The following XPO7 variants were observed in gnomAD, a reference collection of about 807,000 sequenced individuals.
XPO7 encodes the protein exportin-7.
XPO7 carries 21 observed loss-of-function variants against 144.3 expected under a neutral mutation model. The ratio of observed to expected loss-of-function variants is 0.15; its 90% CI spans 0.10 to 0.21. The LOEUF is 0.21. XPO7 is among the 10% of genes least tolerant of loss of function. XPO7 has a pLI of 1.00. For missense variants in XPO7, 808 were observed against 1,325.8 expected, an observed-to-expected ratio of 0.61 and a Z score of 6.06; for synonymous variants, 580 against 499.6, an observed-to-expected ratio of 1.16 and a Z score of -2.15.
At chr8:21,979,985 A>G (rs1219918518) in intron 8 of XPO7, 99 bp from the exon 9 acceptor site, 1 of 1,305,372 alleles carries the variant, frequency 7.7e-7, no homozygotes, top group Non-Finnish European at 1.0e-6. Context: ...GTTGCTTCAG[A>G]TATCCTAAAG....
At chr8:21,981,646 C>A in intron 9 of XPO7, 85 bp from the exon 10 acceptor site, 1 of 1,521,168 alleles carries the variant, frequency 6.6e-7, no homozygotes, top group Non-Finnish European at 9.0e-7. Flanking sequence ...TCTACCCCTT[C>A]CCCCATGCCA....
chr8:21,974,288 C>G (rs956982095), intron 5 of XPO7, among the ~76,000 whole-genome samples: 2 of 152,014 alleles, frequency 1.3e-5, no homozygotes, highest in African/African-American at 4.8e-5. Context: ...CTCAACCTCC[C>G]AAAGTTCTAG....
At chr8:21,978,877 T>C (rs1483100987) in intron 8 of XPO7, among the ~76,000 whole-genome samples, 1 of 152,174 alleles carries the variant, frequency 6.6e-6, no homozygotes, top group East Asian at 1.9e-4. Context: ...TACTTTCCAT[T>C]GGTTGAAGCC....
chr8:21,925,308 GAC>G (rs1430149046), intron 1 of XPO7, among the ~76,000 whole-genome samples: 3 of 152,180 alleles, frequency 2.0e-5, no homozygotes, highest in East Asian at 1.9e-4. Context: ...TGCACACAAG[GAC>G]ACACACACAC....
At chr8:21,955,724 CTT>C (rs71544845) in intron 1 of XPO7, among the ~76,000 whole-genome samples, 1 of 102,754 alleles carries the variant, frequency 9.7e-6, no homozygotes, top group East Asian at 2.7e-4. Flanking sequence ...CTGTGCTTAC[CTT>C]TTTTTTTTTT....
intron 25 of XPO7, chr8:22,003,009 AT>A: frequency 2.5e-6 from 1 of 397,544 alleles, no homozygotes; most frequent in Non-Finnish European, 4.5e-6. Context: ...GTTCAAACCA[AT>A]TTTAAGAACA....
chr8:21,987,535 G>A (rs775864957), intron 14 of XPO7, among the ~76,000 whole-genome samples: 4 of 152,186 alleles, frequency 2.6e-5, no homozygotes, highest in Non-Finnish European at 5.9e-5. Flanking sequence ...TAGTCTCCAT[G>A]CATGAATTAA....
At chr8:21,972,374 G>C (rs934652690) in intron 5 of XPO7, among the ~76,000 whole-genome samples, 6 of 152,114 alleles carry the variant, frequency 3.9e-5, no homozygotes, top group African/African-American at 7.2e-5. Context: ...AGCGACTTGG[G>C]AGACAGGCAG....
rs1812607991 is a variant in XPO7 at position 21,987,224 on chromosome 8, T to C, written c.1661T>C (p.Phe554Ser). 2.5e-6 allele frequency: 4 copies of C among 1,613,844 alleles called. No homozygotes were observed. The highest frequency in any genetic ancestry group is 3.4e-6 in the Non-Finnish European group (4 of 1,179,878). ...EKLELAMLSF[F>S]EQFRKIYIGD... ...CTAGAGTTGGCCATGCTGAGCTTTT[T>C]TGAACAGTTTCGTAAGATCTACATT... The change falls in exon 14 of 28, where the codon TTT (phenylalanine) becomes TCT (serine). Residue 554 changes from phenylalanine (F) to serine (S), a missense_variant. Physicochemically the swap from Phe to Ser is radical, Grantham distance 155 (BLOSUM62 -2). Transcript: ENST00000252512.
rs1813234925 is a variant in XPO7, at chr8:22,003,846, G to A, written c.3043-57G>A. On this transcript the variant is annotated intron_variant, in intron 26 of 27. Transcript: ENST00000252512. ...ATTCTTCAACCCTGCAGATGACGGAGGGCTAATCTGCCTTCCCCTGCTTCT... is the reference window on the plus strand; with the variant it reads ...ATTCTTCAACCCTGCAGATGACGGAAGGCTAATCTGCCTTCCCCTGCTTCT... 3.1e-6 allele frequency: 5 copies of A among 1,607,796 alleles called. No homozygotes were observed. The South Asian group carries it at 4.4e-5, about 14-fold the overall frequency.
At position 21,987,142 on chromosome 8, in the gene XPO7, G is replaced by A; in HGVS notation, c.1579G>A (p.Val527Met). 6.2e-7 allele frequency: 1 copy of A among 1,613,818 alleles called. No homozygotes were observed. Among genetic ancestry groups the A allele is most frequent in the Non-Finnish European group, 8.5e-7 (1 of 1,179,876 alleles). Residue 527 changes from valine to methionine, a missense_variant and splice_region_variant, in exon 14 of 28, where the codon GTG (valine) becomes ATG (methionine). By Grantham distance (21) the Val-to-Met change is conservative (BLOSUM62 1). Coordinates refer to ENST00000252512, the MANE Select transcript of XPO7 (RefSeq NM_015024.5). ...DAMDGELVCR[V>M]LQLMNLTDSR... ...GAATCATTGCTCCTCTTCCTCCAGG[G>A]TGCTCCAGCTGATGAACCTAACAGA...
At chr8:21,929,608 T>C (rs1810578103) in intron 1 of XPO7, among the ~76,000 whole-genome samples, 1 of 152,262 alleles carries the variant, frequency 6.6e-6, no homozygotes, top group Non-Finnish European at 1.5e-5. Context: ...TTCCTGGTGC[T>C]AAGTCCTGAT....
intron 20 of XPO7, 75 bp downstream of exon 20, chr8:21,994,526 C>T (rs750208296): frequency 3.4e-5 from 46 of 1,371,146 alleles, no homozygotes; most frequent in Middle Eastern, 1.8e-4. Flanking sequence ...GGTCCAGAGA[C>T]GGTGTAGGGG....
chr8:21,988,956 G>C, intron 15 of XPO7, 47 bp from the exon 16 acceptor site: 1 of 1,576,606 alleles, frequency 6.3e-7, no homozygotes, highest in Non-Finnish European at 8.6e-7. Flanking sequence ...AAGGAAACCA[G>C]CAAATCAAAA....
At chr8:21,947,780 A>G (rs1563317056) in intron 1 of XPO7, among the ~76,000 whole-genome samples, 1 of 152,220 alleles carries the variant, frequency 6.6e-6, no homozygotes. Flanking sequence ...AAAGCAATCT[A>G]CAAAGTGGGA....
At chr8:21,968,601 C>T (rs1477876367) in intron 2 of XPO7, among the ~76,000 whole-genome samples, 1 of 152,212 alleles carries the variant, frequency 6.6e-6, no homozygotes, top group Non-Finnish European at 1.5e-5. Context: ...CAGTCTCTCT[C>T]ACCACTAGTC....
At chr8:21,979,286 C>G (rs1392059127) in intron 8 of XPO7, among the ~76,000 whole-genome samples, 1 of 152,018 alleles carries the variant, frequency 6.6e-6, no homozygotes, top group Non-Finnish European at 1.5e-5. Context: ...CTCAGGTGAT[C>G]TGCCTGTTTC....
At chr8:21,962,107 C>T (rs1483496827) in intron 1 of XPO7, among the ~76,000 whole-genome samples, 1 of 152,174 alleles carries the variant, frequency 6.6e-6, no homozygotes, top group Non-Finnish European at 1.5e-5. Context: ...TTGGCACTGA[C>T]TTGGTAAACT....
At position 21,969,309 on chromosome 8, in the gene XPO7, TTA is replaced by T. The variant is rs1563325794; in HGVS notation, c.166-172_166-171del. Among the ~76,000 whole-genome samples the T allele has an allele frequency of 3.9e-3, 587 of 151,974 alleles. 7 individuals carry two copies. Among genetic ancestry groups the T allele is most frequent in the African/African-American group, 0.014 (574 of 41,320 alleles). On this transcript the variant is annotated intron_variant, in intron 2 of 27. Coordinates refer to ENST00000252512, the MANE Select transcript of XPO7 (RefSeq NM_015024.5). ...TCATTGTTGAAGTCAGCTAATAAAC[TTA>T]TGCTATGTGGTTCATTTTTCCTCAG...
Sources: allele counts gnomAD v4.1 joint callset (sites outside exome capture counted in the v4.1 genomes callset), GRCh38; gene constraint gnomAD v4.1.1; transcripts MANE v1.5; gene names NCBI Gene and HGNC (gene_info 2026-07-23, HGNC 2026-07-21).